The following VPS39 variants were observed in gnomAD, a reference collection of about 807,000 sequenced individuals.
VPS39 encodes the protein VPS39 subunit of HOPS complex, also known as vam6/Vps39-like protein.
Under a neutral mutation model 121.0 loss-of-function variants are expected in VPS39, and 70 were observed. That is an observed-to-expected ratio of 0.58 (90% CI 0.48 to 0.71). The LOEUF (loss-of-function observed/expected upper bound fraction) is 0.71. VPS39 is among the 30% of genes least tolerant of loss of function. The pLI, the probability that VPS39 is intolerant of heterozygous loss-of-function variation, is 0.00. For missense variants in VPS39, 818 were observed against 1,051.5 expected (o/e 0.78, Z 3.07); for synonymous variants, 378 against 398.1 (o/e 0.95, Z 0.60).
chr15:42,191,687 T>C, intron 2 of VPS39, 127 bp from the exon 3 acceptor site: 1 of 803,972 alleles, frequency 1.2e-6, no homozygotes, highest in East Asian at 2.6e-5. Context: ...AGACTAAAAA[T>C]CAGAGATCTA....
intron 4 of VPS39, among the ~76,000 whole-genome samples, chr15:42,190,508 C>A (rs1158428053): frequency 6.6e-6 from 1 of 152,194 alleles, no homozygotes; most frequent in East Asian, 1.9e-4. Context: ...CACATGAGGG[C>A]CTCAACAGTG....
At chr15:42,197,943 G>C (rs1458685941) in intron 2 of VPS39, among the ~76,000 whole-genome samples, 1 of 152,118 alleles carries the variant, frequency 6.6e-6, no homozygotes, top group Non-Finnish European at 1.5e-5. Context: ...CAAGAGTATA[G>C]GGAAAAATGG....
chr15:42,166,251 C>T lies in VPS39; in HGVS notation c.1607-19G>A, dbSNP rs1367177752. The T allele has an allele frequency of 6.2e-7, 1 of 1,613,240 alleles. No homozygotes were observed. Among genetic ancestry groups the T allele is most frequent in the Admixed American group, 1.7e-5 (1 of 60,024 alleles). On this transcript the variant is annotated intron_variant, in intron 15 of 24. Transcript: ENST00000318006. ...TCTGTGCCTAGAAGGAAAAGCAGGA[C>T]TTGTCAGCAGTTGAGGCCCATCTTG...
intron 5 of VPS39, 139 bp downstream of exon 5, chr15:42,188,975 A>T (rs1595672194): frequency 4.8e-6 from 3 of 623,068 alleles, no homozygotes; most frequent in Non-Finnish European, 8.3e-6. Context: ...CAGGAAAAAA[A>T]TAAATAAATA....
intron 19 of VPS39, 136 bp from the exon 20 acceptor site, chr15:42,163,864 A>G (rs1401938750): frequency 1.4e-5 from 9 of 651,068 alleles, no homozygotes; most frequent in Non-Finnish European, 2.1e-5. Flanking sequence ...GTTTTTCTTC[A>G]AGGAGAAAAT....
At chr15:42,169,668 A>T (rs1232318915) in intron 12 of VPS39, 56 bp downstream of exon 12, 1 of 1,519,768 alleles carries the variant, frequency 6.6e-7, no homozygotes, top group East Asian at 2.4e-5. Flanking sequence ...TGCCACAAAG[A>T]AACAAGTACT....
At chr15:42,183,397 C>T (rs1227540173) in intron 8 of VPS39, among the ~76,000 whole-genome samples, 4 of 152,098 alleles carry the variant, frequency 2.6e-5, no homozygotes, top group African/African-American at 9.7e-5. Flanking sequence ...CCACTGTGCC[C>T]GGCCAGAACA....
intron 2 of VPS39, among the ~76,000 whole-genome samples, chr15:42,195,639 G>T (rs1382975047): frequency 6.6e-6 from 1 of 152,094 alleles, no homozygotes; most frequent in Non-Finnish European, 1.5e-5. Flanking sequence ...TCTTCAAGGA[G>T]AACTACAAAC....
chr15:42,179,949 TTC>T (rs961581283), intron 8 of VPS39, among the ~76,000 whole-genome samples: 9 of 152,096 alleles, frequency 5.9e-5, no homozygotes, highest in African/African-American at 2.2e-4. Flanking sequence ...GTGGAGTGGG[TTC>T]TCTCTCTTCT....
chr15:42,206,076 C>A (rs1396520625), intron 1 of VPS39, among the ~76,000 whole-genome samples: 3 of 152,150 alleles, frequency 2.0e-5, no homozygotes, highest in South Asian at 2.1e-4. Context: ...AATGAAGATG[C>A]TGAAAAGGCA....
Position 42,166,762 on chromosome 15 carries a change from A to C in VPS39, c.1519+10T>G. ...GAGCCCCTCCCAGATCCAAGGAACC[A>C]CTCCCACACCTTTCTCGTGGAGCCC... On this transcript the variant is annotated intron_variant, in intron 14 of 24. Coordinates refer to ENST00000318006, the MANE Select transcript of VPS39 (RefSeq NM_015289.5). The C allele has an allele frequency of 6.2e-7, 1 of 1,613,002 alleles. No individual in the cohort carries two copies. Among genetic ancestry groups the C allele is most frequent in the Non-Finnish European group, 8.5e-7 (1 of 1,179,306 alleles).
intron 8 of VPS39, among the ~76,000 whole-genome samples, chr15:42,181,444 T>G (rs1334420052): frequency 2.0e-5 from 3 of 152,166 alleles, no homozygotes; most frequent in Admixed American, 1.3e-4. Flanking sequence ...GTTTCAGTTT[T>G]GCAACATAAA....
chr15:42,186,927 C>T (rs2049715656), intron 7 of VPS39, among the ~76,000 whole-genome samples: 1 of 152,172 alleles, frequency 6.6e-6, no homozygotes, highest in Non-Finnish European at 1.5e-5. Flanking sequence ...TAAGTTTATA[C>T]TAAAATTAGT....
At chr15:42,197,521 C>A (rs1442260310) in intron 2 of VPS39, among the ~76,000 whole-genome samples, 2 of 152,028 alleles carry the variant, frequency 1.3e-5, no homozygotes, top group Non-Finnish European at 2.9e-5. Flanking sequence ...CCACTACACT[C>A]CAGCCTAGGC....
At chr15:42,163,507 G>A (rs2049180228) in intron 20 of VPS39, 112 bp from the exon 21 acceptor site, 1 of 1,541,112 alleles carries the variant, frequency 6.5e-7, no homozygotes. Context: ...CTGCGGGCCA[G>A]GACGGAGGCG....
intron 11 of VPS39, among the ~76,000 whole-genome samples, chr15:42,170,770 T>TTTTTA (rs2049332485): frequency 7.1e-5 from 10 of 141,198 alleles, no homozygotes; most frequent in East Asian, 2.1e-4. Context: ...TTTTTTTTTT[T>TTTTTA]GAGACAGGGT....
chr15:42,165,514 C>T (rs1157444022), intron 17 of VPS39: 5 of 506,258 alleles, frequency 9.9e-6, no homozygotes, highest in Non-Finnish European at 1.7e-5. Flanking sequence ...ATTCTTTTAT[C>T]CCTCTGTAGT....
intron 2 of VPS39, among the ~76,000 whole-genome samples, chr15:42,194,826 T>A (rs1024976030): frequency 6.6e-6 from 1 of 151,898 alleles, no homozygotes; most frequent in Non-Finnish European, 1.5e-5. Flanking sequence ...TTCGTTTTTT[T>A]AAAAAAATCT....
intron 4 of VPS39, 63 bp downstream of exon 4, chr15:42,191,062 G>A: frequency 6.4e-7 from 1 of 1,551,416 alleles, no homozygotes; most frequent in South Asian, 1.1e-5. Flanking sequence ...AACCATGAAA[G>A]GATTAATTAG....
Sources: allele counts gnomAD v4.1 joint callset (sites outside exome capture counted in the v4.1 genomes callset), GRCh38; gene constraint gnomAD v4.1.1; transcripts MANE v1.5; gene names NCBI Gene and HGNC (gene_info 2026-07-23, HGNC 2026-07-21).